The following HCN1 variants were observed in gnomAD, a reference collection of about 807,000 sequenced individuals.
HCN1 encodes the protein potassium/sodium hyperpolarization-activated cyclic nucleotide-gated channel 1.
Under a neutral mutation model 78.9 loss-of-function variants are expected in HCN1, and 13 were observed. The observed-to-expected ratio is 0.16, with a 90% CI of 0.11 to 0.26. The LOEUF (loss-of-function observed/expected upper bound fraction) is 0.26, where lower values mean the gene tolerates loss of function less well. HCN1 is among the 10% of genes least tolerant of loss of function. The pLI is 1.00. For missense variants in HCN1, 810 were observed against 1,154.3 expected, an observed-to-expected ratio of 0.70 and a Z score of 4.32; for synonymous variants, 552 against 455.5, an observed-to-expected ratio of 1.21 and a Z score of -2.70.
At chr5:45,653,475 T>G (rs1374445544) in intron 1 of HCN1, among the ~76,000 whole-genome samples, 1 of 152,150 alleles carries the variant, frequency 6.6e-6, no homozygotes, top group Non-Finnish European at 1.5e-5. Flanking sequence ...CCTAGCCAAA[T>G]TAAATGCCAA....
At chr5:45,660,227 A>G (rs1745899633) in intron 1 of HCN1, among the ~76,000 whole-genome samples, 1 of 116,694 alleles carries the variant, frequency 8.6e-6, no homozygotes, top group Admixed American at 8.6e-5. Context: ...AAGGAGAAAT[A>G]AAATACTTTA....
intron 2 of HCN1, among the ~76,000 whole-genome samples, chr5:45,519,426 G>A (rs1370142206): frequency 6.6e-6 from 1 of 151,936 alleles, no homozygotes; most frequent in Non-Finnish European, 1.5e-5. Flanking sequence ...TAGTAGATAA[G>A]TCCGAAAAGT....
At chr5:45,367,923 T>C (rs1747268431) in intron 4 of HCN1, among the ~76,000 whole-genome samples, 1 of 151,918 alleles carries the variant, frequency 6.6e-6, no homozygotes, top group African/African-American at 2.4e-5. Context: ...AAATGTGTTA[T>C]CAGGCAGGAA....
chr5:45,395,125 T>G (rs1352366664), intron 4 of HCN1, among the ~76,000 whole-genome samples: 1 of 152,094 alleles, frequency 6.6e-6, no homozygotes, highest in Non-Finnish European at 1.5e-5. Flanking sequence ...ACATTTGTTT[T>G]CTTATTGAGA....
At chr5:45,653,125 T>A (rs1479003640) in intron 1 of HCN1, among the ~76,000 whole-genome samples, 1 of 152,028 alleles carries the variant, frequency 6.6e-6, no homozygotes, top group East Asian at 1.9e-4. Flanking sequence ...TTAAAAAGAC[T>A]CTTTTTCAGA....
chr5:45,469,178 A>T (rs1192945033), intron 2 of HCN1, among the ~76,000 whole-genome samples: 1 of 151,946 alleles, frequency 6.6e-6, no homozygotes, highest in East Asian at 1.9e-4. Flanking sequence ...AGGAAAAGAA[A>T]TACATCTTTT....
chr5:45,492,322 G>A lies in HCN1; in HGVS notation c.850-30315C>T, dbSNP rs537756062. 2.7e-5 allele frequency among the ~76,000 whole-genome samples: 4 copies of A among 148,842 alleles called. No individual in the cohort carries two copies. In the South Asian group the frequency reaches 8.6e-4, roughly 32 times the overall value. On this transcript the variant is annotated intron_variant, in intron 2 of 7. Coordinates refer to ENST00000303230, the MANE Select transcript of HCN1 (RefSeq NM_021072.4). ...TGTGTGTGTGTGTGTGTGTGTGTGTGAGAGAGAGAGGATAGGTGTGACAAA... is the reference window on the plus strand; with the variant it reads ...TGTGTGTGTGTGTGTGTGTGTGTGTAAGAGAGAGAGGATAGGTGTGACAAA...
At chr5:45,325,912 T>C (rs1054843747) in intron 5 of HCN1, among the ~76,000 whole-genome samples, 2 of 151,578 alleles carry the variant, frequency 1.3e-5, no homozygotes, top group African/African-American at 4.8e-5. Flanking sequence ...GTGTCAAAAA[T>C]GATGTATTAA....
At chr5:45,362,740 C>T (rs548169096) in intron 4 of HCN1, among the ~76,000 whole-genome samples, 3 of 152,208 alleles carry the variant, frequency 2.0e-5, no homozygotes, top group African/African-American at 7.2e-5. Flanking sequence ...TAAAGTCACA[C>T]AGCTAATTAG....
At chr5:45,329,529 C>T (rs1746304233) in intron 5 of HCN1, among the ~76,000 whole-genome samples, 1 of 151,332 alleles carries the variant, frequency 6.6e-6, no homozygotes, top group Non-Finnish European at 1.5e-5. Context: ...TTTCTGTCTC[C>T]TTGATTCAGT....
intron 5 of HCN1, among the ~76,000 whole-genome samples, chr5:45,340,726 A>G (rs1746561058): frequency 6.6e-6 from 1 of 152,190 alleles, no homozygotes. Flanking sequence ...GCTATATATG[A>G]ATTTCCTATT....
intron 1 of HCN1, among the ~76,000 whole-genome samples, chr5:45,668,255 G>A (rs1331255970): frequency 1.3e-5 from 2 of 151,788 alleles, no homozygotes; most frequent in Admixed American, 6.6e-5. Flanking sequence ...ATCTCAAATT[G>A]TAATCCCCGT....
intron 3 of HCN1, among the ~76,000 whole-genome samples, chr5:45,397,642 AAATAT>A (rs1387283665): frequency 2.0e-5 from 3 of 151,702 alleles, no homozygotes; most frequent in African/African-American, 7.2e-5. Flanking sequence ...AAAACTTATT[AAATAT>A]AATAAAATAT....
chr5:45,300,031 A>G (rs758295448), intron 6 of HCN1, among the ~76,000 whole-genome samples: 1 of 152,078 alleles, frequency 6.6e-6, no homozygotes, highest in Non-Finnish European at 1.5e-5. Flanking sequence ...TTTAACCCAC[A>G]TAAGTCCAGG....
At chr5:45,462,654 A>G (rs1304295267) in intron 2 of HCN1, among the ~76,000 whole-genome samples, 1 of 152,098 alleles carries the variant, frequency 6.6e-6, no homozygotes, top group Non-Finnish European at 1.5e-5. Context: ...TTTTTATGGT[A>G]CAGGCTTTAC....
intron 6 of HCN1, among the ~76,000 whole-genome samples, chr5:45,270,392 G>A (rs1241759167): frequency 6.6e-6 from 1 of 152,158 alleles, no homozygotes; most frequent in Admixed American, 6.6e-5. Context: ...TAGTGATTGA[G>A]TTAGGTAAAT....
intron 3 of HCN1, among the ~76,000 whole-genome samples, chr5:45,447,327 C>G (rs1740819996): frequency 1.3e-5 from 2 of 152,188 alleles, no homozygotes; most frequent in Non-Finnish European, 2.9e-5. Flanking sequence ...ACTGTAACCA[C>G]AGCCTCCCCA....
Position 45,469,921 on chromosome 5 carries a change from T to C in HCN1, c.850-7914A>G, listed in dbSNP as rs137969870. Among the ~76,000 whole-genome samples the C allele has an allele frequency of 1.4e-4, 21 of 152,060 alleles. No individual in the cohort carries two copies. The East Asian group carries it at 3.7e-3, about 27-fold the overall frequency. On this transcript the variant is annotated intron_variant, in intron 2 of 7. Coordinates refer to ENST00000303230, the MANE Select transcript of HCN1 (RefSeq NM_021072.4). Reference sequence around the variant, plus strand: ...AAAAGAAGTGAGAGTGAGCCTTACATTGGGGCAAACTGCACAATGTCTTTA... The same window carrying C: ...AAAAGAAGTGAGAGTGAGCCTTACACTGGGGCAAACTGCACAATGTCTTTA...
At chr5:45,642,203 C>T (rs914080831) in intron 2 of HCN1, 1 of 152,106 alleles carries the variant, frequency 6.6e-6, no homozygotes, top group African/African-American at 2.4e-5. Flanking sequence ...GCTATTTTTA[C>T]ATCCCAAATC....
Sources: gnomAD v4.1 joint callset for allele counts (sites outside exome capture counted in the v4.1 genomes callset) on GRCh38, gnomAD v4.1.1 for gene constraint, MANE v1.5 for transcripts, NCBI Gene and HGNC (gene_info 2026-07-23, HGNC 2026-07-21) for gene names.